Variants in CDH13 observed in about 807,000 individuals in gnomAD.
CDH13 encodes the protein cadherin 13, also known as cadherin-13.
Under a neutral mutation model 63.8 loss-of-function variants are expected in CDH13, and 24 were observed. The ratio of observed to expected loss-of-function variants is 0.38; its 90% CI spans 0.27 to 0.53. The LOEUF (loss-of-function observed/expected upper bound fraction) is 0.53. Among genes scored for constraint, CDH13 ranks in the 20% least tolerant of loss-of-function variants. CDH13 has a pLI of 0.85. For synonymous variants in CDH13, 503 were observed against 355.3 expected (o/e 1.42, Z -4.67); for missense variants, 1,049 against 903.1 (o/e 1.16, Z -2.07).
At chr16:82,753,605 A>C (rs1338565441) in intron 1 of CDH13, among the ~76,000 whole-genome samples, 2 of 152,246 alleles carry the variant, frequency 1.3e-5, no homozygotes, top group Non-Finnish European at 2.9e-5. Context: ...TTATAGCCAA[A>C]TGGAAGTGTG....
chr16:83,608,135 A>G (rs1908518472), intron 8 of CDH13, among the ~76,000 whole-genome samples: 1 of 152,204 alleles, frequency 6.6e-6, no homozygotes, highest in African/African-American at 2.4e-5. Flanking sequence ...GGTCATTTAG[A>G]TTTAATAATT....
In CDH13 at chr16:82,644,231, G is replaced by A. The variant is rs540428373; in HGVS notation, c.45+17094G>A. On this transcript the variant is annotated intron_variant, in intron 1 of 13. Coordinates refer to ENST00000567109, the MANE Select transcript of CDH13 (RefSeq NM_001257.5). This position sits in a 1 kb window ranked among gnomAD's most constrained non-coding sequence, Gnocchi z 5.7. ...CTGAAGAATTCAATAGCCTAGTAATGAGAAGTCAATCTAAGGTCTAAGGCT... is the reference window on the plus strand; with the variant it reads ...CTGAAGAATTCAATAGCCTAGTAATAAGAAGTCAATCTAAGGTCTAAGGCT... Among the ~76,000 whole-genome samples, 2 of 152,152 alleles carry A rather than the reference G, an allele frequency of 1.3e-5. No individual in the cohort carries two copies. Among genetic ancestry groups the A allele is most frequent in the Admixed American group, 6.5e-5 (1 of 15,280 alleles).
At chr16:83,208,760 T>A (rs2039252490) in intron 4 of CDH13, among the ~76,000 whole-genome samples, 1 of 152,214 alleles carries the variant, frequency 6.6e-6, no homozygotes, top group African/African-American at 2.4e-5. Context: ...AATGCATATG[T>A]ATAGTTATCA....
chr16:83,735,557 C>T (rs544133298), intron 10 of CDH13: 4 of 152,330 alleles, frequency 2.6e-5, no homozygotes, highest in African/African-American at 9.6e-5. Context: ...CTCCCTGCTG[C>T]CATGAATTTG....
At position 83,217,485 on chromosome 16, in the gene CDH13, C is replaced by T. The variant is rs1421120895; in HGVS notation, c.624C>T (p.Ile208=). 6.2e-6 allele frequency: 10 copies of T among 1,613,404 alleles called. No individual in the cohort carries two copies. In the Admixed American group the frequency reaches 1.5e-4, roughly 24 times the overall value. ...SVTRTLDREV[I]AVYQLFVETT... ...CACGGACCTTGGACAGAGAAGTAATCGCTGTTTATCAAGTGAGTACCCCTC... is the reference window on the plus strand; with the variant it reads ...CACGGACCTTGGACAGAGAAGTAATTGCTGTTTATCAAGTGAGTACCCCTC... The change falls in exon 5 of 14, where the codon ATC becomes ATT. Residue 208 remains isoleucine, a synonymous_variant. Transcript: ENST00000567109.
At chr16:83,698,847 G>A (rs1033662791) in intron 10 of CDH13, among the ~76,000 whole-genome samples, 7 of 152,190 alleles carry the variant, frequency 4.6e-5, no homozygotes, top group East Asian at 1.9e-4. Context: ...TACTCAACTC[G>A]ACCATCGTAA....
chr16:83,292,475 AT>A, intron 5 of CDH13, among the ~76,000 whole-genome samples: 1 of 152,050 alleles, frequency 6.6e-6, no homozygotes, highest in Non-Finnish European at 1.5e-5. Flanking sequence ...CTTGGGACAC[AT>A]TTTTAAATAA....
rs553811328 is a variant in CDH13, at chr16:82,747,253, C to G, written c.46-111109C>G. ...CATACCTGGGACCTGGTTAGAAATT[C>G]ATAATCTGTAGCCAAAACCTATGGA... On this transcript the variant is annotated intron_variant, in intron 1 of 13. Coordinates refer to ENST00000567109, the MANE Select transcript of CDH13 (RefSeq NM_001257.5). Among the ~76,000 whole-genome samples the G allele has an allele frequency of 1.4e-4, 22 of 152,264 alleles. No individual in the cohort carries two copies. The South Asian group carries it at 4.6e-3, about 32-fold the overall frequency.
At chr16:82,663,072 C>G (rs535580116) in intron 1 of CDH13, among the ~76,000 whole-genome samples, 1 of 152,248 alleles carries the variant, frequency 6.6e-6, no homozygotes, top group East Asian at 1.9e-4. Flanking sequence ...CATCCTCCCC[C>G]TGCCAGGGCA....
intron 8 of CDH13, among the ~76,000 whole-genome samples, chr16:83,619,795 G>T (rs561849874): frequency 6.6e-6 from 1 of 152,376 alleles, no homozygotes; most frequent in East Asian, 1.9e-4. Flanking sequence ...TTCCAAATAA[G>T]GTTACAGTCT....
chr16:83,537,582 T>C (rs2075218236), intron 7 of CDH13, among the ~76,000 whole-genome samples: 1 of 152,166 alleles, frequency 6.6e-6, no homozygotes, highest in Non-Finnish European at 1.5e-5. Context: ...TTCATTACTG[T>C]AGGGCTTCTC....
At chr16:83,312,104 G>A (rs568240861) in intron 5 of CDH13, among the ~76,000 whole-genome samples, 1 of 149,684 alleles carries the variant, frequency 6.7e-6, no homozygotes, top group Non-Finnish European at 1.5e-5. Context: ...GGGAGACAGT[G>A]TGCCTCCACT....
At chr16:82,930,521 A>G (rs2042456832) in intron 2 of CDH13, among the ~76,000 whole-genome samples, 1 of 152,190 alleles carries the variant, frequency 6.6e-6, no homozygotes, top group African/African-American at 2.4e-5. Context: ...ATAGATACAT[A>G]TCTAATTTAT....
At chr16:83,092,309 A>G (rs1038751478) in intron 3 of CDH13, among the ~76,000 whole-genome samples, 2 of 152,176 alleles carry the variant, frequency 1.3e-5, no homozygotes, top group Non-Finnish European at 2.9e-5. Context: ...CACCGTGTTG[A>G]TTTGTATAAC....
At chr16:83,732,334 G>A (rs1239333415) in intron 10 of CDH13, among the ~76,000 whole-genome samples, 2 of 152,170 alleles carry the variant, frequency 1.3e-5, no homozygotes, top group East Asian at 1.9e-4. Flanking sequence ...AAGGGGAGAG[G>A]TGAGGGGGAG....
chr16:83,123,104 A>G (rs920673599), intron 3 of CDH13, among the ~76,000 whole-genome samples: 8 of 151,822 alleles, frequency 5.3e-5, no homozygotes, highest in African/African-American at 1.7e-4. Context: ...ACATGATTTT[A>G]TTCTTTTTTT....
chr16:82,988,587 C>A (rs916695446), intron 2 of CDH13, among the ~76,000 whole-genome samples: 1 of 151,918 alleles, frequency 6.6e-6, no homozygotes, highest in East Asian at 1.9e-4. Flanking sequence ...CATGGTGAAA[C>A]CCCGTCTCTA....
chr16:83,632,182 A>T (rs942110556), intron 8 of CDH13, among the ~76,000 whole-genome samples: 1 of 151,590 alleles, frequency 6.6e-6, no homozygotes, highest in Non-Finnish European at 1.5e-5. Context: ...TGTCAGTTTG[A>T]CTAGAAGGGC....
chr16:83,252,134 A>ATACG (rs538662591), intron 5 of CDH13, among the ~76,000 whole-genome samples: 26 of 86,724 alleles, frequency 3.0e-4, no homozygotes, highest in East Asian at 8.8e-4. Flanking sequence ...ACACACATAT[A>ATACG]TATGTATATA....
Sources: allele counts gnomAD v4.1 joint callset (sites outside exome capture counted in the v4.1 genomes callset), GRCh38; gene constraint gnomAD v4.1.1; non-coding constraint Gnocchi (gnomAD v3.1); transcripts MANE v1.5; gene names NCBI Gene and HGNC (gene_info 2026-07-23, HGNC 2026-07-21).